Variants in SRM observed in about 807,000 individuals in gnomAD.
SRM encodes the protein putrescine aminopropyltransferase.
A neutral mutation model predicts 39.3 loss-of-function variants in SRM; 14 were observed. The observed-to-expected ratio is 0.36, with a 90% CI of 0.24 to 0.56. SRM has a LOEUF of 0.56. Among genes scored for constraint, SRM ranks in the 20% least tolerant of loss-of-function variants. SRM has a pLI of 0.86. For missense variants in SRM, 244 were observed against 409.2 expected, an observed-to-expected ratio of 0.60 and a Z score of 3.48; for synonymous variants, 195 against 173.1, an observed-to-expected ratio of 1.13 and a Z score of -0.99.
intron 3 of SRM, among the ~76,000 whole-genome samples, chr1:11,058,032 G>A (rs555874909): frequency 2.0e-5 from 3 of 152,186 alleles, no homozygotes; most frequent in Non-Finnish European, 4.4e-5. Context: ...GCCCGCCTTG[G>A]CGTCCCAAAG....
chr1:11,059,157 TG>T, intron 2 of SRM, 67 bp downstream of exon 2: 1 of 1,605,860 alleles, frequency 6.2e-7, no homozygotes, highest in Non-Finnish European at 8.5e-7. Flanking sequence ...AGGCAGCATC[TG>T]GGAAGAGCCC....
At chr1:11,058,478 T>G (rs1270640166) in intron 3 of SRM, among the ~76,000 whole-genome samples, 1 of 151,140 alleles carries the variant, frequency 6.6e-6, no homozygotes, top group Admixed American at 6.6e-5. Context: ...GAAGAACTAC[T>G]TGAGCCCAGG....
At chr1:11,057,448 C>A (rs2100921943) in intron 3 of SRM, among the ~76,000 whole-genome samples, 1 of 151,120 alleles carries the variant, frequency 6.6e-6, no homozygotes, top group South Asian at 2.1e-4. Context: ...CGCACGCCAC[C>A]AAGCTGGGCC....
intron 6 of SRM, 25 bp from the exon 7 acceptor site, chr1:11,055,109 CAG>C (rs1638847880): frequency 6.5e-7 from 1 of 1,543,984 alleles, no homozygotes; most frequent in South Asian, 1.2e-5. Flanking sequence ...AGGGGCACAT[CAG>C]GGGGGGCACT....
Position 11,055,764 on chromosome 1 carries a change from A to T in SRM, c.765+17T>A, listed in dbSNP as rs1443371726. The T allele has an allele frequency of 2.9e-6, 2 of 688,662 alleles. No individual in the cohort carries two copies. Among genetic ancestry groups the T allele is most frequent in the Admixed American group, 4.8e-5 (2 of 41,720 alleles). The allele number at this position is 688,662 out of a possible 1,614,324, so 42.7% of individuals were successfully genotyped here. ...CACCTTCCCCCCAACCCCCACCCCC[A>T]GACACCCCCATCTCACCGGGTTCTT... is the stretch of plus-strand genomic sequence containing the variant. On this transcript the variant is annotated intron_variant, in intron 6 of 7. Transcript: ENST00000376957.
intron 4 of SRM, 135 bp from the exon 5 acceptor site, chr1:11,056,229 T>C: frequency 1.2e-6 from 1 of 835,994 alleles, no homozygotes; most frequent in South Asian, 1.8e-5. Flanking sequence ...TGAATCCCAT[T>C]CTTGGGGGAG....
chr1:11,055,452 T>G (rs530472493), intron 6 of SRM, among the ~76,000 whole-genome samples: 20 of 149,636 alleles, frequency 1.3e-4, no homozygotes, highest in African/African-American at 4.7e-4. Flanking sequence ...TCTTCCTCTG[T>G]TACCCAGGCT....
chr1:11,059,747 G>GGGGCAGGCGCCTGC, intron 1 of SRM, 30 bp downstream of exon 1: 1 of 1,568,718 alleles, frequency 6.4e-7, no homozygotes, highest in Admixed American at 1.8e-5. Context: ...CTGAGCCTAG[G>GGGGCAGGCGCCTGC]GGGCAGGCGC....
chr1:11,055,707 G>T, intron 6 of SRM, 74 bp downstream of exon 6: 2 of 1,474,194 alleles, frequency 1.4e-6, no homozygotes, highest in Admixed American at 2.1e-5. Context: ...GAGCCACCGC[G>T]CCCGGCAGGG....
At chr1:11,056,155 A>G in intron 4 of SRM, 61 bp from the exon 5 acceptor site, 1 of 1,457,784 alleles carries the variant, frequency 6.9e-7, no homozygotes, top group Non-Finnish European at 9.3e-7. Context: ...GGCCACTGTC[A>G]CCCACACAGC....
chr1:11,055,418 T>G (rs1310747021), intron 6 of SRM, among the ~76,000 whole-genome samples: 3 of 125,394 alleles, frequency 2.4e-5, no homozygotes, highest in Non-Finnish European at 4.9e-5. Flanking sequence ...CTGGGGAGGG[T>G]TTTTTTTTTT....
Position 11,055,279 on chromosome 1 carries a change from TTG to T in SRM, c.766-197_766-196del. The stretch of plus-strand genomic sequence containing the variant: ...CACGCCCGGCTAATTTTTTTTTTTT[TTG>T]TATTTTGAGTAGTGATGGGGTTTCT... On this transcript the variant is annotated intron_variant, in intron 6 of 7. Coordinates refer to ENST00000376957, the MANE Select transcript of SRM (RefSeq NM_003132.3). 3 of 783,084 alleles carry T rather than the reference TTG, an allele frequency of 3.8e-6. No individual in the cohort carries two copies. In the East Asian group the frequency reaches 9.9e-5, roughly 26 times the overall value. 48.5% of individuals were successfully genotyped at this position (783,084 alleles called of 1,614,324 possible).
intron 2 of SRM, 130 bp from the exon 3 acceptor site, chr1:11,059,022 C>T (rs556010307): frequency 3.1e-6 from 4 of 1,302,346 alleles, no homozygotes; most frequent in African/African-American, 1.5e-5. Flanking sequence ...GCTTTCGTGC[C>T]GGTGTCCCCT....
chr1:11,059,566 T>G, intron 1 of SRM: 1 of 917,936 alleles, frequency 1.1e-6, no homozygotes, highest in Non-Finnish European at 1.6e-6. Context: ...GGCTGACACG[T>G]GGAGCGGGGC....
Position 11,055,151 on chromosome 1 carries a change from C to T in SRM, c.766-67G>A, listed in dbSNP as rs554491027. On this transcript the variant is annotated intron_variant, in intron 6 of 7. Transcript: ENST00000376957. The stretch of plus-strand genomic sequence containing the variant: ...TTTTTTTTTTTTTGAGACGGAGTCT[C>T]ACTGTTGCCACGCTGGAGTGCAGTG... 18 of 1,502,152 alleles carry T rather than the reference C, an allele frequency of 1.2e-5. No individual in the cohort carries two copies. In the East Asian group the frequency reaches 4.1e-4, roughly 34 times the overall value. 93.1% of individuals were successfully genotyped at this position (1,502,152 alleles called of 1,614,324 possible).
chr1:11,055,376 T>C (rs1638854955), intron 6 of SRM, among the ~76,000 whole-genome samples: 2 of 150,982 alleles, frequency 1.3e-5, no homozygotes, highest in Non-Finnish European at 3.0e-5. Flanking sequence ...CCCAAAATGC[T>C]GGAATTACAG....
chr1:11,058,561 CAA>C (rs55958066), intron 3 of SRM: 11,672 of 180,402 alleles, frequency 0.065, 2 homozygotes, highest in Middle Eastern at 0.099. Flanking sequence ...AACTCTGTCT[CAA>C]AAAAAAAAAA....
At chr1:11,057,570 A>G (rs1004826462) in intron 3 of SRM, among the ~76,000 whole-genome samples, 2 of 140,654 alleles carry the variant, frequency 1.4e-5, no homozygotes, top group Admixed American at 7.6e-5. Flanking sequence ...CCTGTTTCCT[A>G]TTTTAGAAGG....
chr1:11,055,025 C>T lies in SRM; in HGVS notation c.825G>A (p.Gln275=), dbSNP rs1423547413. 2 of 1,612,714 alleles carry T rather than the reference C, an allele frequency of 1.2e-6. No individual in the cohort carries two copies. Among genetic ancestry groups the T allele is most frequent in the African/African-American group, 1.3e-5 (1 of 74,868 alleles). ...GCACGTCGGAGTTGTAGTACTTCAG[C>T]TGCATCTGCGCCACCTGCTGCTGTG... is the stretch of plus-strand genomic sequence containing the variant. ...PLTQQQVAQM[Q]LKYYNSDVHR... Residue 275 remains glutamine, a synonymous_variant, in exon 7 of 8, where the codon CAG becomes CAA. Coordinates refer to ENST00000376957, the MANE Select transcript of SRM (RefSeq NM_003132.3).
Sources: gnomAD v4.1 joint callset for allele counts (sites outside exome capture counted in the v4.1 genomes callset) on GRCh38, gnomAD v4.1.1 for gene constraint, MANE v1.5 for transcripts, NCBI Gene and HGNC (gene_info 2026-07-23, HGNC 2026-07-21) for gene names.